CCDC180: variants seen among roughly 807,000 people sequenced by gnomAD.
CCDC180 encodes coiled-coil domain containing 180.
Under a neutral mutation model 209.2 loss-of-function variants are expected in CCDC180, and 154 were observed. The ratio of observed to expected loss-of-function variants is 0.74; its 90% confidence interval spans 0.65 to 0.84. CCDC180 has a LOEUF of 0.84. Ranked by LOEUF, CCDC180 falls within the 40% of genes least tolerant of loss-of-function variation. The probability of loss-of-function intolerance (pLI) is 0.00; values close to 1 mark genes in which losing one functional copy is unlikely to be tolerated. For missense variants in CCDC180, 1,874 were observed against 1,997.3 expected (o/e 0.94, Z 1.18); for synonymous variants, 778 against 749.1 (o/e 1.04, Z -0.63).
intron 3 of CCDC180, among the ~76,000 whole-genome samples, chr9:97,311,534 C>T (rs1832987080): frequency 6.6e-6 from 1 of 152,216 alleles, no homozygotes; most frequent in South Asian, 2.1e-4. Context: ...GTCCACCCTG[C>T]TGGTCCTCCC....
At chr9:97,374,454 C>T (rs762074289) in intron 34 of CCDC180, 89 bp from the exon 35 acceptor site, 22 of 985,452 alleles carry the variant, frequency 2.2e-5, no homozygotes, top group Non-Finnish European at 2.7e-5. Context: ...GGTGCCAGTC[C>T]TCCCTTTTCT....
In CCDC180 at chr9:97,366,592, A is replaced by G; in HGVS notation, c.4081A>G (p.Arg1361Gly). The change falls in exon 31 of 37, where the codon AGG becomes GGG. Residue 1361 changes from arginine (R) to glycine (G), a missense_variant. Coordinates refer to ENST00000529487, the MANE Select transcript of CCDC180 (RefSeq NM_020893.6). This position sits in a 1 kb window ranked among gnomAD's most constrained non-coding sequence, Gnocchi z 4.3. ...CCGTAAAGAAAAACGCCCAGTCACC[A>G]GGCCTGACTGCATGTGTGACACCTT... Reference protein sequence around the residue: ...FYRKEKRPVTRPDCMCDTFDQ... With the variant: ...FYRKEKRPVTGPDCMCDTFDQ... The G allele has an allele frequency of 6.2e-7, 1 of 1,614,210 alleles. No individual in the cohort carries two copies. Among genetic ancestry groups the G allele is most frequent in the Non-Finnish European group, 8.5e-7 (1 of 1,180,016 alleles).
At chr9:97,312,325 C>T in intron 4 of CCDC180, 124 bp downstream of exon 4, 2 of 733,632 alleles carry the variant, frequency 2.7e-6, no homozygotes, top group Non-Finnish European at 4.5e-6. Flanking sequence ...TGTTCCTCGG[C>T]TCAGCCACCC....
intron 18 of CCDC180, among the ~76,000 whole-genome samples, chr9:97,342,863 A>C (rs1175324276): frequency 6.6e-6 from 1 of 152,256 alleles, no homozygotes; most frequent in Non-Finnish European, 1.5e-5. Flanking sequence ...TTGTCCTCAA[A>C]ACATATTCAA....
At chr9:97,358,440 CG>C (rs1032121812) in intron 25 of CCDC180, among the ~76,000 whole-genome samples, 1 of 152,066 alleles carries the variant, frequency 6.6e-6, no homozygotes, top group Non-Finnish European at 1.5e-5. Flanking sequence ...TTCTTTTGAT[CG>C]TAGCACAGAA....
chr9:97,333,573 A>T (rs1825817292), intron 18 of CCDC180, among the ~76,000 whole-genome samples: 2 of 81,286 alleles, frequency 2.5e-5, no homozygotes, highest in Admixed American at 1.7e-4. Context: ...GGAGCTCATT[A>T]TTAGTCTGTT....
intron 18 of CCDC180, among the ~76,000 whole-genome samples, chr9:97,331,933 C>T (rs1348258520): frequency 2.0e-5 from 3 of 152,042 alleles, no homozygotes; most frequent in African/African-American, 4.8e-5. Context: ...TTGTTTTTGT[C>T]GCAATTGCTT....
At chr9:97,361,647 G>A in intron 26 of CCDC180, 79 bp from the exon 27 acceptor site, 2 of 1,464,820 alleles carry the variant, frequency 1.4e-6, no homozygotes, top group East Asian at 2.3e-5. Flanking sequence ...AGGGTGGGAG[G>A]GAACATGAAT....
Position 97,318,578 on chromosome 9 carries a change from A to T in CCDC180, c.1075A>T (p.Ile359Phe), listed in dbSNP as rs919077615. 3.1e-6 allele frequency: 5 copies of T among 1,612,420 alleles called. No homozygotes were observed. The highest frequency in any genetic ancestry group is 4.2e-6 in the Non-Finnish European group (5 of 1,179,660). ...AAGGCGGCTGAAGCATCTCTGCACC[A>T]TCTGGTATGGGCAGGAGGGGCGGCC... Reference protein sequence around the residue: ...QQRRLKHLCTICDLLPPSYSK... With the variant: ...QQRRLKHLCTFCDLLPPSYSK... The change falls in exon 10 of 37, where the codon ATC (isoleucine) becomes TTC (phenylalanine). Residue 359 changes from isoleucine (I) to phenylalanine (F), a missense_variant. By Grantham distance (21) the Ile-to-Phe change is conservative. Coordinates refer to ENST00000529487, the MANE Select transcript of CCDC180 (RefSeq NM_020893.6).
Position 97,375,503 on chromosome 9 carries a change from C to G in CCDC180, c.4756C>G (p.Leu1586Val). The G allele has an allele frequency of 6.2e-7, 1 of 1,614,226 alleles. No individual in the cohort carries two copies. Among genetic ancestry groups the G allele is most frequent in the Non-Finnish European group, 8.5e-7 (1 of 1,180,048 alleles). ...PTEVTIQNKI[L>V]LQPTSSISTT... is the part of the protein sequence containing the mutation. Reference sequence around the variant, plus strand: ...CGAAGTCACCATCCAAAACAAGATTCTTCTCCAGCCAACATCATCGATTTC... The same window carrying G: ...CGAAGTCACCATCCAAAACAAGATTGTTCTCCAGCCAACATCATCGATTTC... Residue 1586 changes from leucine (L) to valine (V), a missense_variant, in exon 36 of 37, where the codon CTT (leucine) becomes GTT (valine). By Grantham distance (32) the Leu-to-Val change is conservative. Transcript: ENST00000529487.
intron 3 of CCDC180, 41 bp from the exon 4 acceptor site, chr9:97,312,072 A>C: frequency 6.3e-7 from 1 of 1,577,310 alleles, no homozygotes; most frequent in Non-Finnish European, 8.7e-7. Flanking sequence ...CATGGATGGC[A>C]TCAGGAGCTG....
At chr9:97,359,177 C>G (rs979451616) in intron 25 of CCDC180, among the ~76,000 whole-genome samples, 1 of 152,152 alleles carries the variant, frequency 6.6e-6, no homozygotes, top group Non-Finnish European at 1.5e-5. Flanking sequence ...TAATGAGGAG[C>G]AGGGGGAAGA....
chr9:97,375,387 G>C (rs902589220), intron 35 of CCDC180, 67 bp from the exon 36 acceptor site: 2 of 1,597,818 alleles, frequency 1.3e-6, no homozygotes, highest in Non-Finnish European at 1.7e-6. Flanking sequence ...TTTTCCAACA[G>C]GGTTGGTAGG....
chr9:97,333,571 T>C (rs1278144672), intron 18 of CCDC180, among the ~76,000 whole-genome samples: 1 of 147,512 alleles, frequency 6.8e-6, no homozygotes, highest in Non-Finnish European at 1.5e-5. Flanking sequence ...TTGGAGCTCA[T>C]TATTAGTCTG....
intron 5 of CCDC180, among the ~76,000 whole-genome samples, chr9:97,313,979 C>T (rs974048240): frequency 2.0e-5 from 3 of 152,308 alleles, no homozygotes; most frequent in Non-Finnish European, 2.9e-5. Context: ...GCTCTCCAGC[C>T]GTGTTTCTTC....
intron 22 of CCDC180, among the ~76,000 whole-genome samples, chr9:97,353,842 C>A (rs1467528014): frequency 6.6e-6 from 1 of 152,120 alleles, no homozygotes; most frequent in Non-Finnish European, 1.5e-5. Flanking sequence ...CTCAGTCTTA[C>A]AATGCAAATG....
chr9:97,358,592 G>A (rs1038692839), intron 25 of CCDC180, among the ~76,000 whole-genome samples: 1 of 152,064 alleles, frequency 6.6e-6, no homozygotes, highest in African/African-American at 2.4e-5. Flanking sequence ...ATGAGTGCAC[G>A]ACTCTGTCCC....
In CCDC180 at chr9:97,312,336, G is replaced by A. The variant is rs529210223; in HGVS notation, c.349+135G>A. 368 of 678,630 alleles carry A rather than the reference G, an allele frequency of 5.4e-4. 1 individual carries two copies. Among genetic ancestry groups the A allele is most frequent in the Non-Finnish European group, 8.1e-4 (326 of 400,434 alleles). 42.0% of individuals were successfully genotyped at this position (678,630 alleles called of 1,614,324 possible). On this transcript the variant is annotated intron_variant, in intron 4 of 36. Transcript: ENST00000529487. ...ACTGTGTTCCTCGGCTCAGCCACCC[G>A]GAGGGCATTCTCCCTGAGCATCTCA...
At position 97,311,951 on chromosome 9, in the gene CCDC180, G is replaced by A. The variant is rs1336341166; in HGVS notation, c.261-162G>A. ...GAACCCCAGGCGGCGTTTGTTGGGAGCCTGGGCACTGCCTCAGGGCTCTCT... is the reference window on the plus strand; with the variant it reads ...GAACCCCAGGCGGCGTTTGTTGGGAACCTGGGCACTGCCTCAGGGCTCTCT... On this transcript the variant is annotated intron_variant, in intron 3 of 36. Transcript: ENST00000529487. Among the ~76,000 whole-genome samples the A allele has an allele frequency of 3.3e-5, 5 of 152,276 alleles. No individual in the cohort carries two copies. In the East Asian group the frequency reaches 9.7e-4, roughly 29 times the overall value.
Sources: gnomAD v4.1 joint callset for allele counts (sites outside exome capture counted in the v4.1 genomes callset) on GRCh38, gnomAD v4.1.1 for gene constraint, Gnocchi (gnomAD v3.1) non-coding constraint, MANE v1.5 for transcripts, NCBI Gene and HGNC (gene_info 2026-07-23, HGNC 2026-07-21) for gene names.